Variants in NTRK3 observed in about 807,000 individuals in gnomAD.
The protein encoded by NTRK3 is NT-3 growth factor receptor.
NTRK3 carries 24 observed loss-of-function variants against 91.7 expected under a neutral mutation model. That is an observed-to-expected ratio of 0.26 (90% CI 0.19 to 0.37). NTRK3 has a LOEUF of 0.37. Ranked by LOEUF, NTRK3 falls within the 10% of genes least tolerant of loss-of-function variation. NTRK3 has a pLI of 1.00. For synonymous variants in NTRK3, 483 were observed against 404.0 expected, an observed-to-expected ratio of 1.20 and a Z score of -2.34; for missense variants, 880 against 1,068.9, an observed-to-expected ratio of 0.82 and a Z score of 2.46.
intron 3 of NTRK3, among the ~76,000 whole-genome samples, chr15:88,245,535 C>T (rs1230150901): frequency 6.6e-6 from 1 of 152,112 alleles, no homozygotes; most frequent in Admixed American, 6.5e-5. Context: ...ATTGGTCTAA[C>T]CAAATACCCT....
At chr15:88,182,052 G>A (rs2046514842) in intron 5 of NTRK3, among the ~76,000 whole-genome samples, 1 of 152,076 alleles carries the variant, frequency 6.6e-6, no homozygotes, top group Non-Finnish European at 1.5e-5. Context: ...CACACATCAG[G>A]AGACTCTCAC....
At chr15:87,880,301 T>G in exon 18 of NTRK3, 1 of 1,614,146 alleles carries the variant, frequency 6.2e-7, no homozygotes, top group Non-Finnish European at 8.5e-7. Flanking sequence ...CCATGGCTGC[T>G]TTCCATAGGT....
At chr15:88,134,894 G>A (rs1039105818) in intron 10 of NTRK3, among the ~76,000 whole-genome samples, 2 of 152,148 alleles carry the variant, frequency 1.3e-5, no homozygotes, top group Non-Finnish European at 2.9e-5. Flanking sequence ...AGAAGTCTTG[G>A]TTACCATGAC....
chr15:88,110,263 C>A (rs964535388), intron 13 of NTRK3, among the ~76,000 whole-genome samples: 1 of 152,156 alleles, frequency 6.6e-6, no homozygotes, highest in African/African-American at 2.4e-5. Flanking sequence ...ATCAGGTAAA[C>A]ATGGAGGTGG....
chr15:88,113,695 T>G (rs1863492), intron 13 of NTRK3, among the ~76,000 whole-genome samples: 32,493 of 152,118 alleles, frequency 0.21, 3,634 homozygotes, highest in Admixed American at 0.23. Context: ...TGGCACCTGT[T>G]TTTTATAAAT....
At chr15:88,034,635 C>G (rs1344716213) in intron 13 of NTRK3, among the ~76,000 whole-genome samples, 4 of 152,194 alleles carry the variant, frequency 2.6e-5, no homozygotes, top group Non-Finnish European at 5.9e-5. Flanking sequence ...TTACATCTTA[C>G]TGAAGTTTAT....
At chr15:88,224,214 A>T (rs946117254) in intron 3 of NTRK3, among the ~76,000 whole-genome samples, 1 of 152,196 alleles carries the variant, frequency 6.6e-6, no homozygotes, top group Non-Finnish European at 1.5e-5. Context: ...TCAGATCAGG[A>T]TGCTCCCTGC....
intron 14 of NTRK3, among the ~76,000 whole-genome samples, chr15:87,952,153 G>A (rs946933661): frequency 8.5e-6 from 1 of 117,308 alleles, no homozygotes. Flanking sequence ...AAGAAAAGAA[G>A]GAGAAAGAAA....
rs2067635906 is a variant in NTRK3, at chr15:87,918,699, CT to C, written c.2133+10491del. Among the ~76,000 whole-genome samples, 5 of 152,308 alleles carry C rather than the reference CT, an allele frequency of 3.3e-5. No homozygotes were observed. The South Asian group carries it at 1.0e-3, about 32-fold the overall frequency. On this transcript the variant is annotated intron_variant, in intron 17 of 18. Transcript: ENST00000394480. ...TATGAGATTTTTATTTCCTTGTGTT[CT>C]ATTCATCTTAGCACATGGACAAGGA...
intron 18 of NTRK3, among the ~76,000 whole-genome samples, chr15:87,879,499 C>T (rs1220773616): frequency 6.6e-6 from 1 of 152,148 alleles, no homozygotes; most frequent in Non-Finnish European, 1.5e-5. Context: ...GCTTTGGAGG[C>T]TCTTACCTGT....
At chr15:87,898,504 A>C (rs1231955084) in intron 17 of NTRK3, among the ~76,000 whole-genome samples, 3 of 152,128 alleles carry the variant, frequency 2.0e-5, no homozygotes, top group Admixed American at 6.5e-5. Context: ...TAGAATGTGC[A>C]GTTTTCTACG....
At chr15:88,216,226 G>A (rs2049753745) in intron 3 of NTRK3, among the ~76,000 whole-genome samples, 1 of 152,148 alleles carries the variant, frequency 6.6e-6, no homozygotes, top group Non-Finnish European at 1.5e-5. Context: ...GTTGATCACT[G>A]ACCTCAGAGG....
In NTRK3 at chr15:87,894,487, G is replaced by T. The variant is rs187792947; in HGVS notation, c.2134-14059C>A. On this transcript the variant is annotated intron_variant, in intron 17 of 18. Transcript: ENST00000394480. ...TCATAGATACAGACCTGGGCCTGTCGGTCCTGCCCTGATCATTCCCTGATG... is the reference window on the plus strand; with the variant it reads ...TCATAGATACAGACCTGGGCCTGTCTGTCCTGCCCTGATCATTCCCTGATG... Among the ~76,000 whole-genome samples the T allele has an allele frequency of 1.8e-4, 27 of 152,218 alleles. 1 individual carries two copies. Among genetic ancestry groups the T allele is most frequent in the Admixed American group, 7.9e-4 (12 of 15,276 alleles).
chr15:88,076,344 A>T (rs1386202259), intron 13 of NTRK3, among the ~76,000 whole-genome samples: 1 of 152,070 alleles, frequency 6.6e-6, no homozygotes, highest in Non-Finnish European at 1.5e-5. Context: ...CCCACAACAT[A>T]TGGGAATTAT....
chr15:87,934,757 A>T (rs2069119359), intron 15 of NTRK3, among the ~76,000 whole-genome samples: 1 of 152,134 alleles, frequency 6.6e-6, no homozygotes, highest in South Asian at 2.1e-4. Context: ...TAATTAAATG[A>T]CAGACACTTA....
At chr15:87,866,467 G>A (rs1353070820) in exon 19 of NTRK3, 2 of 167,002 alleles carry the variant, frequency 1.2e-5, no homozygotes, top group Non-Finnish European at 2.6e-5. Flanking sequence ...CTATATATAT[G>A]TAAACTATAT....
chr15:88,090,587 T>C (rs933911832), intron 13 of NTRK3, among the ~76,000 whole-genome samples: 2 of 152,148 alleles, frequency 1.3e-5, no homozygotes, highest in East Asian at 3.9e-4. Context: ...CCTCCAGAAA[T>C]GACCGTGACA....
chr15:87,987,826 G>A (rs1038881590), intron 14 of NTRK3, among the ~76,000 whole-genome samples: 4 of 151,752 alleles, frequency 2.6e-5, no homozygotes, highest in African/African-American at 7.2e-5. Context: ...GGACGTGGCC[G>A]AGATCGTGAC....
At chr15:87,861,916 G>A (rs75734630) in exon 19 of NTRK3, 8,269 of 215,178 alleles carry the variant, frequency 0.038, 729 homozygotes, top group African/African-American at 0.18. Flanking sequence ...CCAGCAGATC[G>A]TTCCTCCATT....
Sources: gnomAD v4.1 joint callset for allele counts (sites outside exome capture counted in the v4.1 genomes callset) on GRCh38, gnomAD v4.1.1 for gene constraint, MANE v1.5 for transcripts, NCBI Gene and HGNC (gene_info 2026-07-23, HGNC 2026-07-21) for gene names.